Variants in PKD1L3 observed in about 807,000 individuals in gnomAD.
PKD1L3 encodes polycystin 1 like 3, transient receptor potential channel interacting, also known as polycystin-1-like protein 3.
In PKD1L3, 239 loss-of-function variants were observed where a neutral mutation model predicts 184.1. The ratio of observed to expected loss-of-function variants is 1.30; its 90% confidence interval spans 1.17 to 1.45. The LOEUF is 1.45. PKD1L3 is among the 40% of genes most tolerant of loss of function. The pLI is 0.00. For missense variants in PKD1L3, 2,660 were observed against 2,067.2 expected, an observed-to-expected ratio of 1.29 and a Z score of -5.56; for synonymous variants, 996 against 778.8, an observed-to-expected ratio of 1.28 and a Z score of -4.64.
intron 3 of PKD1L3, among the ~76,000 whole-genome samples, chr16:71,991,609 A>T (rs1421032317): frequency 6.6e-6 from 1 of 152,240 alleles, no homozygotes; most frequent in Non-Finnish European, 1.5e-5. Context: ...TTTCATTTAA[A>T]GAGTACAGGA....
At chr16:71,990,595 G>A (rs564041934) in intron 3 of PKD1L3, among the ~76,000 whole-genome samples, 11 of 151,962 alleles carry the variant, frequency 7.2e-5, no homozygotes, top group African/African-American at 1.2e-4. Context: ...TTAGCCGGGC[G>A]TGGTGGCGGA....
In PKD1L3 at chr16:71,965,555, A is replaced by AT. The variant is rs34451176; in HGVS notation, c.2465+1581dup. Among the ~76,000 whole-genome samples the AT allele has an allele frequency of 1.5e-3, 210 of 136,902 alleles. 1 individual carries two copies. The highest frequency in any genetic ancestry group is 3.2e-3 in the East Asian group (15 of 4,734). 89.8% of individuals were successfully genotyped at this position (136,902 alleles called of 152,430 possible). A position where few individuals can be genotyped will look rare whatever the true frequency, so the allele number is the denominator to read the frequency against. ...CTCCCCTAAACTTGGTTTTGTGAGA[A>AT]TTTTTTTTTTTTTTTTTTGGAGATG... On this transcript the variant is annotated intron_variant, in intron 15 of 29. Transcript: ENST00000620267.
At chr16:71,980,844 A>T (rs1175818610) in intron 7 of PKD1L3, among the ~76,000 whole-genome samples, 1 of 152,148 alleles carries the variant, frequency 6.6e-6, no homozygotes, top group Admixed American at 6.6e-5. Context: ...CATAAAATAA[A>T]ATAAACCTGG....
At chr16:71,985,439 G>C (rs1414387795) in intron 5 of PKD1L3, among the ~76,000 whole-genome samples, 1 of 152,008 alleles carries the variant, frequency 6.6e-6, no homozygotes, top group Non-Finnish European at 1.5e-5. Flanking sequence ...TTTTTTGAGA[G>C]AGAGTTTTGT....
chr16:71,955,109 A>G (rs2038994248), intron 16 of PKD1L3, among the ~76,000 whole-genome samples: 1 of 152,188 alleles, frequency 6.6e-6, no homozygotes, highest in Non-Finnish European at 1.5e-5. Context: ...AAGATCTGCA[A>G]TACTCCTAGT....
rs67658205 is a variant in PKD1L3 at position 71,978,475 on chromosome 16, A to ATGTGTGTGTG, written c.1399-102_1399-93dup. 1.3e-3 allele frequency: 511 copies of ATGTGTGTGTG among 385,760 alleles called. 92 individuals are homozygous for ATGTGTGTGTG. The highest frequency in any genetic ancestry group is 2.1e-3 in the African/African-American group (80 of 37,698). 23.9% of individuals were successfully genotyped at this position (385,760 alleles called of 1,614,324 possible). The stretch of plus-strand genomic sequence containing the variant: ...ATATATCATATATACATATGTATAT[A>ATGTGTGTGTG]TGTGTGTGTGTGTGTGTGTGTATAT... On this transcript the variant is annotated intron_variant, in intron 9 of 29. Coordinates refer to ENST00000620267, the MANE Select transcript of PKD1L3 (RefSeq NM_181536.2).
At chr16:71,985,967 G>C (rs2040344238) in intron 5 of PKD1L3, among the ~76,000 whole-genome samples, 1 of 152,168 alleles carries the variant, frequency 6.6e-6, no homozygotes, top group African/African-American at 2.4e-5. Flanking sequence ...AAGCAGGGTA[G>C]GTGAACAGAA....
At chr16:71,943,370 T>C (rs1024301307) in intron 23 of PKD1L3, among the ~76,000 whole-genome samples, 2 of 151,444 alleles carry the variant, frequency 1.3e-5, no homozygotes. Context: ...AACCCCCCCA[T>C]CTACTAGAAA....
At chr16:71,968,277 C>T (rs764823806) in intron 13 of PKD1L3, among the ~76,000 whole-genome samples, 22 of 152,178 alleles carry the variant, frequency 1.4e-4, no homozygotes, top group Non-Finnish European at 2.4e-4. Context: ...CCTTCCACCT[C>T]CTTCCCACTT....
At chr16:71,995,671 C>A (rs995280768) in intron 2 of PKD1L3, among the ~76,000 whole-genome samples, 2 of 152,140 alleles carry the variant, frequency 1.3e-5, no homozygotes, top group African/African-American at 4.8e-5. Flanking sequence ...CTACTTTTTT[C>A]TATCACAGAG....
Position 71,978,366 on chromosome 16 carries a change from G to C in PKD1L3, c.1416C>G (p.Phe472Leu). ...TGTTGTCCAAATCCTTGAAGGGATT[G>C]AAAGCTAGTCCTGTTATCTAAAGAC... ...GVNVQITGLA[F>L]NPFKDLDNRN... The change falls in exon 10 of 30, where the codon TTC (phenylalanine) becomes TTG (leucine). Residue 472 changes from phenylalanine to leucine, a missense_variant. By Grantham distance (22) the Phe-to-Leu change is conservative. Coordinates refer to ENST00000620267, the MANE Select transcript of PKD1L3 (RefSeq NM_181536.2). 1 of 1,549,758 alleles carries C rather than the reference G, an allele frequency of 6.5e-7. No individual in the cohort carries two copies. Among genetic ancestry groups the C allele is most frequent in the African/African-American group, 1.4e-5 (1 of 73,036 alleles).
rs775951073 is a variant in PKD1L3 at position 71,999,788 on chromosome 16, T to C, written c.191A>G (p.Lys64Arg). Reference sequence around the variant, plus strand: ...GTCCCGGATGAGATCTTGAACTTCCTTGTTCCAAATATGAGCTAGGAATCC... The same window carrying C: ...GTCCCGGATGAGATCTTGAACTTCCCTGTTCCAAATATGAGCTAGGAATCC... ...QRGFLAHIWN[K>R]EVQDLIRDYL... The change falls in exon 1 of 30, where the codon AAG becomes AGG. Residue 64 changes from lysine to arginine, a missense_variant. By Grantham distance (26) the Lys-to-Arg change is conservative. Transcript: ENST00000620267. 80 of 1,551,674 alleles carry C rather than the reference T, an allele frequency of 5.2e-5. No individual in the cohort carries two copies. Among genetic ancestry groups the C allele is most frequent in the South Asian group, 1.1e-4 (9 of 84,066 alleles).
At chr16:71,933,857 G>T in intron 27 of PKD1L3, 58 bp downstream of exon 27, 2 of 1,518,306 alleles carry the variant, frequency 1.3e-6, no homozygotes, top group African/African-American at 1.4e-5. Context: ...TATGGGAAGC[G>T]ATGCGATTCC....
chr16:71,968,738 G>A (rs1400256845), intron 13 of PKD1L3, among the ~76,000 whole-genome samples: 2 of 151,966 alleles, frequency 1.3e-5, no homozygotes, highest in Non-Finnish European at 2.9e-5. Flanking sequence ...TGGGACTACA[G>A]ACATGCACCA....
intron 15 of PKD1L3, among the ~76,000 whole-genome samples, chr16:71,963,748 A>G (rs550164584): frequency 8.5e-4 from 130 of 152,248 alleles, no homozygotes; most frequent in African/African-American, 2.9e-3. Context: ...GCACCACTGC[A>G]TTCTAGCTTG....
intron 10 of PKD1L3, among the ~76,000 whole-genome samples, chr16:71,977,813 C>CA (rs1205655045): frequency 3.9e-5 from 6 of 152,138 alleles, no homozygotes; most frequent in Admixed American, 6.5e-5. Flanking sequence ...ATTACTCTGT[C>CA]ACCCAGGCTG....
At chr16:71,989,620 T>C (rs1010230641) in intron 4 of PKD1L3, among the ~76,000 whole-genome samples, 1 of 152,232 alleles carries the variant, frequency 6.6e-6, no homozygotes, top group Non-Finnish European at 1.5e-5. Flanking sequence ...GTGGACAGTT[T>C]CTACCTTTAT....
intron 2 of PKD1L3, among the ~76,000 whole-genome samples, chr16:71,995,162 G>C (rs942620276): frequency 1.4e-4 from 21 of 152,108 alleles, no homozygotes; most frequent in Non-Finnish European, 2.2e-4. Context: ...TTGGGGGAAG[G>C]CTGCAACCTC....
chr16:71,932,302 G>A (rs973457784), intron 28 of PKD1L3, among the ~76,000 whole-genome samples: 1 of 152,156 alleles, frequency 6.6e-6, no homozygotes, highest in Non-Finnish European at 1.5e-5. Context: ...AGGGTTTGGA[G>A]CCCAGTGCCT....
Sources: gnomAD v4.1 joint callset for allele counts (sites outside exome capture counted in the v4.1 genomes callset) on GRCh38, gnomAD v4.1.1 for gene constraint, MANE v1.5 for transcripts, NCBI Gene and HGNC (gene_info 2026-07-23, HGNC 2026-07-21) for gene names.